Variants in ATM observed in about 807,000 individuals in gnomAD.
ATM encodes serine-protein kinase ATM.
ATM carries 308 observed loss-of-function variants against 387.0 expected under a neutral mutation model. The ratio of observed to expected loss-of-function variants is 0.80; its 90% confidence interval spans 0.73 to 0.87. The LOEUF (loss-of-function observed/expected upper bound fraction) is 0.87, where lower values mean the gene tolerates loss of function less well. Ranked by LOEUF, ATM falls within the 40% of genes least tolerant of loss-of-function variation. The pLI is 0.00. For missense variants in ATM, 3,312 were observed against 3,560.9 expected (o/e 0.93, Z 1.78); for synonymous variants, 1,156 against 1,187.3 (o/e 0.97, Z 0.54).
At chr11:108,300,447 G>C (rs929485538) in intron 34 of ATM, among the ~76,000 whole-genome samples, 2 of 152,036 alleles carry the variant, frequency 1.3e-5, no homozygotes, top group East Asian at 3.9e-4. Context: ...TTTATTTGTT[G>C]ATTGATTGAT....
intron 14 of ATM, 45 bp from the exon 15 acceptor site, chr11:108,257,436 T>A (rs2135404621): frequency 6.2e-7 from 1 of 1,603,216 alleles, no homozygotes; most frequent in Non-Finnish European, 8.5e-7. Flanking sequence ...AATACTAAAC[T>A]ATAATTTTAA....
intron 49 of ATM, 55 bp downstream of exon 49, chr11:108,329,293 G>A (rs2136427571): frequency 6.8e-7 from 1 of 1,468,930 alleles, no homozygotes; most frequent in Non-Finnish European, 9.4e-7. Context: ...CTGAGTGAGT[G>A]TTTTTGCATA....
chr11:108,363,056 ATC>A (rs1372436860), intron 61 of ATM, among the ~76,000 whole-genome samples: 1 of 152,162 alleles, frequency 6.6e-6, no homozygotes, highest in Non-Finnish European at 1.5e-5. Flanking sequence ...CCCTCCGTAA[ATC>A]TGTCCGAATT....
At chr11:108,270,923 T>G (rs1157728625) in intron 18 of ATM, 141 bp from the exon 19 acceptor site, 1 of 723,668 alleles carries the variant, frequency 1.4e-6, no homozygotes, top group Non-Finnish European at 2.4e-6. Flanking sequence ...CTCAAACTCC[T>G]GACCTTGTGA....
chr11:108,267,223 A>T lies in ATM; in HGVS notation c.2519A>T (p.Asp840Val), dbSNP rs786202605. 1.3e-5 allele frequency: 21 copies of T among 1,614,028 alleles called. No homozygotes were observed. The highest frequency in any genetic ancestry group is 3.3e-5 in the Admixed American group (2 of 60,010). Residue 840 changes from aspartate (D) to valine (V), a missense_variant, in exon 17 of 63, where the codon GAT becomes GTT. Physicochemically the swap from Asp to Val is radical, Grantham distance 152. This residue lies in a region of ATM where 1,791 missense variants were observed against 1,804.5 expected (regional missense o/e 0.99). Coordinates refer to ENST00000675843, the MANE Select transcript of ATM (RefSeq NM_000051.4). ...FDRGEVESME[D>V]DTNGNLMEVE... ...CGTGGAGAAGTAGAATCAATGGAAGATGATACTAATGGAAATCTAATGGAG... is the reference window on the plus strand; with the variant it reads ...CGTGGAGAAGTAGAATCAATGGAAGTTGATACTAATGGAAATCTAATGGAG...
chr11:108,333,827 C>G (rs1401008147), intron 53 of ATM, 59 bp from the exon 54 acceptor site: 2 of 1,339,910 alleles, frequency 1.5e-6, no homozygotes, highest in Non-Finnish European at 2.1e-6. Flanking sequence ...ACTATTCCTG[C>G]TTGACCTTCA....
At chr11:108,245,304 A>G (rs1376036437) in intron 7 of ATM, among the ~76,000 whole-genome samples, 2 of 152,342 alleles carry the variant, frequency 1.3e-5, no homozygotes, top group African/African-American at 2.4e-5. Flanking sequence ...CTACTTATGC[A>G]TCAATACTTA....
chr11:108,317,757 A>G (rs2084874579), intron 43 of ATM, among the ~76,000 whole-genome samples: 1 of 150,602 alleles, frequency 6.6e-6, no homozygotes, highest in South Asian at 2.1e-4. Context: ...TGCAAGCTAT[A>G]GATAGCCCTA....
intron 27 of ATM, among the ~76,000 whole-genome samples, chr11:108,288,119 G>T (rs1218452810): frequency 1.3e-5 from 2 of 151,666 alleles, no homozygotes; most frequent in Non-Finnish European, 2.9e-5. Flanking sequence ...GCCCTGGCTG[G>T]AGTGCAGTGG....
At chr11:108,289,975 A>T (rs906912009) in intron 29 of ATM, 174 bp downstream of exon 29, 72 of 581,956 alleles carry the variant, frequency 1.2e-4, no homozygotes, top group Admixed American at 5.5e-4. Flanking sequence ...CTTCCTCCTC[A>T]CCCTGCCGGG....
In ATM at chr11:108,343,854, C is replaced by T. The variant is rs750647479; in HGVS notation, c.8418+483C>T. On this transcript the variant is annotated intron_variant, in intron 57 of 62. Transcript: ENST00000675843. ...TTTTTTATGAAACTGATATAGAAAA[C>T]CTTCTGAGACATTTACAATGTCACA... Among the ~76,000 whole-genome samples, 8 of 152,268 alleles carry T rather than the reference C, an allele frequency of 5.3e-5. No individual in the cohort carries two copies. In the South Asian group the frequency reaches 8.3e-4, roughly 16 times the overall value.
At chr11:108,301,520 A>AT (rs2083428323) in intron 34 of ATM, 128 bp from the exon 35 acceptor site, 1 of 1,166,562 alleles carries the variant, frequency 8.6e-7, no homozygotes, top group Non-Finnish European at 1.2e-6. Context: ...ATATTGGAGA[A>AT]TTTTGTAAAT....
In ATM at chr11:108,335,061, A is replaced by G. The variant is rs779803253; in HGVS notation, c.8103A>G (p.Ile2701Met). 1.2e-6 allele frequency: 2 copies of G among 1,614,128 alleles called. No homozygotes were observed. The highest frequency in any genetic ancestry group is 4.5e-5 in the East Asian group (2 of 44,858). ...CAGGAGGTGTAAATTTACCAAAAATAATAGATTGTGTAGGTTCCGATGGCA... is the reference window on the plus strand; with the variant it reads ...CAGGAGGTGTAAATTTACCAAAAATGATAGATTGTGTAGGTTCCGATGGCA... ...RLAGGVNLPK[I>M]IDCVGSDGKE... Residue 2701 changes from isoleucine (I) to methionine (M), a missense_variant, in exon 55 of 63, where the codon ATA becomes ATG. Around this residue, in one of 4 missense-constraint regions of ATM, gnomAD observed 1,405 missense variants for 1,604.4 expected, o/e 0.88. Coordinates refer to ENST00000675843, the MANE Select transcript of ATM (RefSeq NM_000051.4).
rs1291212035 is a variant in ATM, at chr11:108,366,754, G to A, written c.*1246G>A. 8.7e-6 allele frequency: 2 copies of A among 230,640 alleles called. No individual in the cohort carries two copies. Among genetic ancestry groups the A allele is most frequent in the Non-Finnish European group, 1.7e-5 (2 of 116,526 alleles). The allele number at this position is 230,640 out of a possible 1,614,324, so 14.3% of individuals were successfully genotyped here. On this transcript the variant is annotated 3_prime_UTR_variant, in exon 63 of 63. Coordinates refer to ENST00000675843, the MANE Select transcript of ATM (RefSeq NM_000051.4). ...CCTCCTCATCTCCTTGTGCTAGTGGGCAGAATATTTGATTGATGCCTTTTT... is the reference window on the plus strand; with the variant it reads ...CCTCCTCATCTCCTTGTGCTAGTGGACAGAATATTTGATTGATGCCTTTTT...
At chr11:108,340,437 T>A (rs1203158563) in intron 56 of ATM, 2 of 152,142 alleles carry the variant, frequency 1.3e-5, no homozygotes, top group Non-Finnish European at 2.9e-5. Context: ...TTCACAAAAA[T>A]TCCTAAATGT....
chr11:108,260,023 A>G (rs1349192979), intron 16 of ATM, among the ~76,000 whole-genome samples: 1 of 139,572 alleles, frequency 7.2e-6, no homozygotes, highest in East Asian at 2.0e-4. Context: ...ATGAAAGCTT[A>G]TCTGCTCTTT....
intron 56 of ATM, among the ~76,000 whole-genome samples, chr11:108,339,804 T>C (rs945365247): frequency 6.6e-6 from 1 of 152,014 alleles, no homozygotes. Context: ...TTAGACAGAG[T>C]ACACTACACT....
rs1555143494 is a variant in ATM at position 108,354,817 on chromosome 11, T to A, written c.8793T>A (p.Cys2931Ter). The A allele has an allele frequency of 6.2e-7, 1 of 1,613,640 alleles. No individual in the cohort carries two copies. Among genetic ancestry groups the A allele is most frequent in the Non-Finnish European group, 8.5e-7 (1 of 1,179,550 alleles). ...ATAATGTGTTTGACTCTAGATGCTGTGAGAAAACCATGGAAGTGATGAGAA... is the reference window on the plus strand; with the variant it reads ...ATAATGTGTTTGACTCTAGATGCTGAGAGAAAACCATGGAAGTGATGAGAA... ...TGVEGVFRRCCEKTMEVMRNS... is the reference protein window; with the variant it reads ...TGVEGVFRRC Residue 2931 changes from cysteine to a stop codon, truncating the protein, a stop_gained, in exon 61 of 63, where the codon TGT becomes TGA. Coordinates refer to ENST00000675843, the MANE Select transcript of ATM (RefSeq NM_000051.4). LOFTEE classifies it high-confidence loss of function.
At chr11:108,265,237 A>G (rs2081158672) in intron 16 of ATM, among the ~76,000 whole-genome samples, 1 of 152,010 alleles carries the variant, frequency 6.6e-6, no homozygotes, top group South Asian at 2.1e-4. Flanking sequence ...AAACTATACT[A>G]CAAGGCTGCA....
Sources: gnomAD v4.1 joint callset for allele counts (sites outside exome capture counted in the v4.1 genomes callset) on GRCh38, gnomAD v4.1.1 for gene constraint, gnomAD v4.1.1 regional missense constraint, MANE v1.5 for transcripts, NCBI Gene and HGNC (gene_info 2026-07-23, HGNC 2026-07-21) for gene names.